SRGAP3: variants seen among roughly 807,000 people sequenced by gnomAD.
SRGAP3 encodes SLIT-ROBO Rho GTPase activating protein 3.
Under a neutral mutation model 121.1 loss-of-function variants are expected in SRGAP3, and 39 were observed. That is an observed-to-expected ratio of 0.32 (90% CI 0.25 to 0.42). The LOEUF (loss-of-function observed/expected upper bound fraction) is 0.42, where lower values mean the gene tolerates loss of function less well. Among genes scored for constraint, SRGAP3 ranks in the 10% least tolerant of loss-of-function variants. The pLI, the probability that SRGAP3 is intolerant of heterozygous loss-of-function variation, is 1.00. For synonymous variants in SRGAP3, 601 were observed against 570.0 expected (o/e 1.05, Z -0.77); for missense variants, 1,213 against 1,470.6 (o/e 0.82, Z 2.86).
At chr3:9,169,119 C>T (rs1481929951) in intron 1 of SRGAP3, among the ~76,000 whole-genome samples, 1 of 152,176 alleles carries the variant, frequency 6.6e-6, no homozygotes, top group Non-Finnish European at 1.5e-5. Context: ...AGTTTCTGAG[C>T]CTCTCTGTGG....
chr3:9,088,631 C>T (rs1449081242), intron 3 of SRGAP3, among the ~76,000 whole-genome samples: 1 of 152,160 alleles, frequency 6.6e-6, no homozygotes, highest in Non-Finnish European at 1.5e-5. Context: ...GATAAAACTC[C>T]CCCTCTCCTG....
At chr3:9,055,710 GAAGA>G (rs757128552) in intron 8 of SRGAP3, among the ~76,000 whole-genome samples, 6 of 152,140 alleles carry the variant, frequency 3.9e-5, no homozygotes, top group African/African-American at 1.4e-4. Flanking sequence ...GCAGAAAATA[GAAGA>G]AAGCACAAAG....
intron 3 of SRGAP3, among the ~76,000 whole-genome samples, chr3:9,094,582 A>G (rs1947894813): frequency 6.6e-6 from 1 of 152,062 alleles, no homozygotes; most frequent in South Asian, 2.1e-4. Flanking sequence ...ACTTATTTAC[A>G]TGTTTCCTGG....
At chr3:9,348,555 C>T (rs1326194756) in intron 1 of SRGAP3, 43 of 784,448 alleles carry the variant, frequency 5.5e-5, no homozygotes, top group African/African-American at 1.7e-4. Flanking sequence ...CATAAGGAGG[C>T]GAAGTGTGGC....
At chr3:9,305,521 T>G (rs10212219) in intron 3 of SRGAP3, among the ~76,000 whole-genome samples, 206 of 152,136 alleles carry the variant, frequency 1.4e-3, no homozygotes, top group African/African-American at 4.7e-3. Flanking sequence ...CAACTTGTCA[T>G]TTACATTAGA....
chr3:9,309,678 A>G (rs924140639), intron 3 of SRGAP3, among the ~76,000 whole-genome samples: 3 of 152,152 alleles, frequency 2.0e-5, no homozygotes, highest in Non-Finnish European at 2.9e-5. Context: ...CTGGCAACAT[A>G]GTGAGACCCC....
At chr3:9,072,805 A>G (rs1946782536) in intron 4 of SRGAP3, among the ~76,000 whole-genome samples, 1 of 152,258 alleles carries the variant, frequency 6.6e-6, no homozygotes, top group Admixed American at 6.5e-5. Context: ...ACTGGACACT[A>G]GTAACACAGC....
intron 1 of SRGAP3, among the ~76,000 whole-genome samples, chr3:9,148,570 C>T (rs1288891778): frequency 1.3e-5 from 2 of 152,218 alleles, no homozygotes; most frequent in East Asian, 3.8e-4. Context: ...CTTACAACCA[C>T]AGAGTGTTTG....
chr3:9,294,481 T>C (rs1954917722), intron 3 of SRGAP3, among the ~76,000 whole-genome samples: 1 of 152,020 alleles, frequency 6.6e-6, no homozygotes, highest in Admixed American at 6.6e-5. Flanking sequence ...TGACACACAT[T>C]TACCTATGTA....
At chr3:9,278,176 A>G (rs1465052571) in intron 3 of SRGAP3, among the ~76,000 whole-genome samples, 1 of 152,222 alleles carries the variant, frequency 6.6e-6, no homozygotes, top group Non-Finnish European at 1.5e-5. Context: ...AAAGCCAGTA[A>G]GTGGGGGAAG....
intron 1 of SRGAP3, among the ~76,000 whole-genome samples, chr3:9,347,588 C>T (rs927909857): frequency 2.0e-5 from 3 of 152,174 alleles, no homozygotes; most frequent in African/African-American, 7.2e-5. Flanking sequence ...CAGATTCATA[C>T]TCTTTATTAG....
Position 9,150,083 on chromosome 3 carries a change from A to G in SRGAP3, c.68-25166T>C, listed in dbSNP as rs59629428. On this transcript the variant is annotated intron_variant, in intron 1 of 21. Coordinates refer to ENST00000383836, the MANE Select transcript of SRGAP3 (RefSeq NM_014850.4). ...GCAACTGTAATCCAGTGAGATGAAC[A>G]CTGGGATAGGGCAAGTGCAGGGCAC... Among the ~76,000 whole-genome samples, 352 of 152,234 alleles carry G rather than the reference A, an allele frequency of 2.3e-3. 1 individual carries two copies. Among genetic ancestry groups the G allele is most frequent in the African/African-American group, 7.9e-3 (327 of 41,546 alleles).
chr3:9,133,385 G>A (rs1949531612), intron 1 of SRGAP3, among the ~76,000 whole-genome samples: 1 of 152,212 alleles, frequency 6.6e-6, no homozygotes, highest in South Asian at 2.1e-4. Flanking sequence ...CTGTTAGGCT[G>A]AAGCGGGAGA....
rs559476673 is a variant in SRGAP3 at position 9,255,684 on chromosome 3, G to C, written n.442+70326C>G. Reference sequence around the variant, plus strand: ...CAATCCACATGGCCCCAAGAGGTGAGCCCCAGGAGCTCCCAAAGGAGGATC... The same window carrying C: ...CAATCCACATGGCCCCAAGAGGTGACCCCCAGGAGCTCCCAAAGGAGGATC... On this transcript the variant is annotated intron_variant and non_coding_transcript_variant, in intron 3 of 3. Transcript: ENST00000490889. Among the ~76,000 whole-genome samples, 4 of 152,224 alleles carry C rather than the reference G, an allele frequency of 2.6e-5. No homozygotes were observed. In the South Asian group the frequency reaches 8.3e-4, roughly 32 times the overall value.
chr3:9,020,458 C>G (rs756140013), intron 14 of SRGAP3, among the ~76,000 whole-genome samples: 2 of 152,180 alleles, frequency 1.3e-5, no homozygotes, highest in African/African-American at 4.8e-5. Flanking sequence ...AATTCAAAAA[C>G]TGTACCATAT....
chr3:9,113,383 C>T (rs391667), intron 2 of SRGAP3, among the ~76,000 whole-genome samples: 17,232 of 152,182 alleles, frequency 0.11, 1,246 homozygotes, highest in Admixed American at 0.17. Flanking sequence ...TTTGCCTTCA[C>T]CTTTCCAAGG....
chr3:8,995,582 T>C (rs1942351338), intron 18 of SRGAP3, among the ~76,000 whole-genome samples: 1 of 152,194 alleles, frequency 6.6e-6, no homozygotes, highest in Admixed American at 6.5e-5. Flanking sequence ...TAATTATTAA[T>C]GGATTTGGCC....
intron 3 of SRGAP3, among the ~76,000 whole-genome samples, chr3:9,320,912 T>G (rs938295763): frequency 6.6e-6 from 1 of 151,858 alleles, no homozygotes; most frequent in Admixed American, 6.5e-5. Context: ...TATATATATA[T>G]AGTGTGTATA....
chr3:9,143,998 G>C lies in SRGAP3; in HGVS notation c.68-19081C>G, dbSNP rs534968334. Among the ~76,000 whole-genome samples the C allele has an allele frequency of 7.2e-5, 11 of 152,174 alleles. No individual in the cohort carries two copies. In the East Asian group the frequency reaches 2.1e-3, roughly 29 times the overall value. ...CTAGTTAAAAATCCTCATTGTCTCT[G>C]ACTTGAACAACCACAACAGCCTCCT... is the stretch of plus-strand genomic sequence containing the variant. On this transcript the variant is annotated intron_variant, in intron 1 of 21. Coordinates refer to ENST00000383836, the MANE Select transcript of SRGAP3 (RefSeq NM_014850.4).
Sources: gnomAD v4.1 joint callset for allele counts (sites outside exome capture counted in the v4.1 genomes callset) on GRCh38, gnomAD v4.1.1 for gene constraint, MANE v1.5 for transcripts, NCBI Gene and HGNC (gene_info 2026-07-23, HGNC 2026-07-21) for gene names.